INSL6: variants seen among roughly 807,000 people sequenced by gnomAD.
The protein encoded by INSL6 is insulin-like peptide INSL6.
In INSL6, 16 loss-of-function variants were observed where a neutral mutation model predicts 9.4. That is an observed-to-expected ratio of 1.70 (90% CI 1.15 to 2.59). The LOEUF is 2.59. Among genes scored for constraint, INSL6 ranks in the 30% most tolerant of loss-of-function variants. The pLI, the probability that INSL6 is intolerant of heterozygous loss-of-function variation, is 0.00. For synonymous variants in INSL6, 154 were observed against 96.9 expected (o/e 1.59, Z -3.46); for missense variants, 391 against 257.3 (o/e 1.52, Z -3.56).
chr9:5,013,221 T>TA, the INSL6 span, among the ~76,000 whole-genome samples: 297 of 151,080 alleles, frequency 2.0e-3, 1 homozygote, highest in African/African-American at 5.4e-3. Context: ...TCTTTTGTGA[T>TA]AAAAAAAAAT....
At chr9:5,126,072 A>G (rs1318644155) in intron 3 of INSL6, 7 of 285,884 alleles carry the variant, frequency 2.4e-5, no homozygotes, top group African/African-American at 6.5e-5. Context: ...CTCAAAGGAA[A>G]TATGTTTTTA....
At chr9:4,999,423 A>C in the INSL6 span, among the ~76,000 whole-genome samples, 6 of 152,372 alleles carry the variant, frequency 3.9e-5, no homozygotes, top group African/African-American at 1.4e-4. Flanking sequence ...GAATAAAAAC[A>C]GTCATTTAAA....
At chr9:5,052,431 A>G in the INSL6 span, among the ~76,000 whole-genome samples, 2 of 152,100 alleles carry the variant, frequency 1.3e-5, no homozygotes, top group Non-Finnish European at 2.9e-5. Flanking sequence ...TTTACTTTAA[A>G]AATAGTGTAG....
the INSL6 span, among the ~76,000 whole-genome samples, chr9:4,995,859 CT>C: frequency 4.0e-5 from 6 of 151,446 alleles, no homozygotes; most frequent in Non-Finnish European, 7.4e-5. Flanking sequence ...TTTTTTTAAA[CT>C]TTATTGTGAA....
chr9:5,177,798 AAC>A (rs1373088816), intron 1 of INSL6, among the ~76,000 whole-genome samples: 1 of 152,052 alleles, frequency 6.6e-6, no homozygotes, highest in Non-Finnish European at 1.5e-5. Flanking sequence ...GGAGAATCCA[AAC>A]AGTCCAGAGG....
the INSL6 span, chr9:5,089,923 T>TATAAATGTACAATG: frequency 1.9e-5 from 22 of 1,177,596 alleles, no homozygotes; most frequent in South Asian, 5.6e-4. Context: ...TCCTGTGTAA[T>TATAAATGTACAATG]ATAAATGTAC....
intron 2 of INSL6, among the ~76,000 whole-genome samples, chr9:5,143,091 T>C (rs1049240165): frequency 6.6e-6 from 1 of 152,184 alleles, no homozygotes; most frequent in Non-Finnish European, 1.5e-5. Context: ...TGGATTCCGT[T>C]TGCCAGTATT....
chr9:5,085,040 G>C, the INSL6 span: 1 of 779,952 alleles, frequency 1.3e-6, no homozygotes, highest in East Asian at 3.7e-5. Context: ...GAATGAGGGC[G>C]TCTCTTTCTG....
the INSL6 span, among the ~76,000 whole-genome samples, chr9:5,005,013 C>T: frequency 9.6e-5 from 14 of 145,866 alleles, no homozygotes; most frequent in South Asian, 1.7e-3. Flanking sequence ...ACCTCCCAAG[C>T]GCAAGTGATC....
At chr9:5,069,716 A>C in the INSL6 span, among the ~76,000 whole-genome samples, 2 of 152,148 alleles carry the variant, frequency 1.3e-5, no homozygotes, top group African/African-American at 4.8e-5. Flanking sequence ...TAAGGAAGTG[A>C]TTATAATTTT....
At chr9:5,036,914 A>C in the INSL6 span, among the ~76,000 whole-genome samples, 3 of 152,240 alleles carry the variant, frequency 2.0e-5, no homozygotes, top group African/African-American at 7.2e-5. Flanking sequence ...CTACCATCAG[A>C]GTGAACAGGC....
At chr9:5,044,361 G>T in the INSL6 span, 2 of 1,236,000 alleles carry the variant, frequency 1.6e-6, no homozygotes, top group South Asian at 2.4e-5. Flanking sequence ...GTTTGTATTT[G>T]AACTATTTGG....
At chr9:5,101,192 T>A in the INSL6 span, among the ~76,000 whole-genome samples, 356 of 152,336 alleles carry the variant, frequency 2.3e-3, 2 homozygotes, top group African/African-American at 8.2e-3. Flanking sequence ...ACTGTGCTTT[T>A]CCAACAGTCT....
intron 1 of INSL6, among the ~76,000 whole-genome samples, chr9:5,166,349 T>C (rs2130907488): frequency 6.6e-6 from 1 of 152,332 alleles, no homozygotes; most frequent in Non-Finnish European, 1.5e-5. Context: ...GGTGAATCTA[T>C]ATTCTTTGCA....
the INSL6 span, among the ~76,000 whole-genome samples, chr9:5,090,151 A>G: frequency 1.3e-5 from 2 of 152,174 alleles, no homozygotes; most frequent in African/African-American, 2.4e-5. Flanking sequence ...TTTGAATTCA[A>G]TGTTTTTTGT....
intron 2 of INSL6, chr9:5,133,607 CCCGA>C (rs2130881011): frequency 6.6e-6 from 1 of 152,246 alleles, no homozygotes; most frequent in African/African-American, 2.4e-5. Context: ...AGCACAGGGG[CCCGA>C]CTGTTAGAAG....
At chr9:5,154,806 A>C (rs1301824599) in intron 2 of INSL6, among the ~76,000 whole-genome samples, 3 of 152,248 alleles carry the variant, frequency 2.0e-5, no homozygotes, top group Non-Finnish European at 4.4e-5. Context: ...AATGGCAATC[A>C]TTCAAAAGTC....
chr9:5,073,866 C>A, the INSL6 span: 1 of 866,298 alleles, frequency 1.2e-6, no homozygotes, highest in Non-Finnish European at 1.9e-6. Context: ...TTCAGGATCA[C>A]AGCTAGGTGT....
chr9:5,070,390 A>G, the INSL6 span, among the ~76,000 whole-genome samples: 4 of 152,030 alleles, frequency 2.6e-5, no homozygotes, highest in African/African-American at 9.7e-5. Context: ...AAAAATAAAG[A>G]AGAAACTGAG....
Sources: gnomAD v4.1 joint callset for allele counts (sites outside exome capture counted in the v4.1 genomes callset) on GRCh38, gnomAD v4.1.1 for gene constraint, MANE v1.5 for transcripts, NCBI Gene and HGNC (gene_info 2026-07-23, HGNC 2026-07-21) for gene names.